The following ZAP70 variants were observed in gnomAD, a reference collection of about 807,000 sequenced individuals.
The protein encoded by ZAP70 is tyrosine-protein kinase ZAP-70.
In ZAP70, 27 loss-of-function variants were observed where a neutral mutation model predicts 65.8. The observed-to-expected ratio is 0.41, with a 90% CI of 0.30 to 0.57. The LOEUF (loss-of-function observed/expected upper bound fraction) is 0.57, where lower values mean the gene tolerates loss of function less well. Among genes scored for constraint, ZAP70 ranks in the 20% least tolerant of loss-of-function variants. The pLI, the probability that ZAP70 is intolerant of heterozygous loss-of-function variation, is 0.28. For missense variants in ZAP70, 696 were observed against 870.5 expected, an observed-to-expected ratio of 0.80 and a Z score of 2.52; for synonymous variants, 363 against 360.8, an observed-to-expected ratio of 1.01 and a Z score of -0.07.
In ZAP70 at chr2:97,724,228, G is replaced by T. The variant is rs770705407; in HGVS notation, c.192G>T (p.Gln64His). 1 of 1,602,894 alleles carries T rather than the reference G, an allele frequency of 6.2e-7. No homozygotes were observed. The highest frequency in any genetic ancestry group is 8.5e-7 in the Non-Finnish European group (1 of 1,176,376). The part of the protein sequence containing the change: ...VRFHHFPIER[Q>H]LNGTYAIAGG... ...TCCACCACTTTCCCATCGAGCGCCAGCTCAACGGCACCTACGCCATTGCCG... is the reference window on the plus strand; with the variant it reads ...TCCACCACTTTCCCATCGAGCGCCATCTCAACGGCACCTACGCCATTGCCG... The change falls in exon 3 of 14, where the codon CAG (glutamine) becomes CAT (histidine). Residue 64 changes from glutamine (Q) to histidine (H), a missense_variant. This residue lies in a region of ZAP70 where 551 missense variants were observed against 630.0 expected (regional missense o/e 0.87). Coordinates refer to ENST00000264972, the MANE Select transcript of ZAP70 (RefSeq NM_001079.4).
the ZAP70 span, among the ~76,000 whole-genome samples, chr2:97,751,723 T>C: frequency 6.6e-6 from 1 of 152,188 alleles, no homozygotes; most frequent in South Asian, 2.1e-4. Context: ...GGCAGCAGCA[T>C]TGGCTTCTGC....
rs1677930831 is a variant in ZAP70 at position 97,737,278 on chromosome 2, T to A, written c.1290-195T>A. On this transcript the variant is annotated intron_variant, in intron 10 of 13. Transcript: ENST00000264972. This position sits in a 1 kb window ranked among gnomAD's most constrained non-coding sequence, Gnocchi z 5.0. ...TGATCCCTAAAGCCTTGAGACTGGA[T>A]GAAGGCAGGAGTTTTGCCTGTTTTG... Among the ~76,000 whole-genome samples, 1 of 152,118 alleles carries A rather than the reference T, an allele frequency of 6.6e-6. No individual in the cohort carries two copies. Among genetic ancestry groups the A allele is most frequent in the Non-Finnish European group, 1.5e-5 (1 of 68,010 alleles).
chr2:97,718,150 G>A (rs950605253), intron 2 of ZAP70, among the ~76,000 whole-genome samples: 7 of 152,170 alleles, frequency 4.6e-5, no homozygotes, highest in Admixed American at 2.6e-4. Context: ...CCTGTCCGTC[G>A]GGATGGCCCA....
At chr2:97,717,989 G>C (rs1559316146) in intron 2 of ZAP70, among the ~76,000 whole-genome samples, 1 of 152,176 alleles carries the variant, frequency 6.6e-6, no homozygotes, top group Non-Finnish European at 1.5e-5. Flanking sequence ...TGTGATCCAG[G>C]GGCTGTAAGT....
intron 4 of ZAP70, among the ~76,000 whole-genome samples, chr2:97,729,296 G>T (rs981432929): frequency 2.0e-5 from 3 of 152,146 alleles, no homozygotes; most frequent in Non-Finnish European, 1.5e-5. Context: ...GTTTATTCAG[G>T]GTTTCACAGA....
chr2:97,732,759 C>T (rs1677661355), intron 4 of ZAP70, 124 bp from the exon 5 acceptor site: 3 of 1,424,396 alleles, frequency 2.1e-6, no homozygotes, highest in South Asian at 1.3e-5. Context: ...CTTCCCCAGT[C>T]CCTGCAGCTT....
chr2:97,718,527 G>C (rs957420223), intron 2 of ZAP70, among the ~76,000 whole-genome samples: 4 of 152,154 alleles, frequency 2.6e-5, no homozygotes, highest in Non-Finnish European at 5.9e-5. Context: ...ACCTGTGTGT[G>C]TGGGGTGGTG....
rs1304827773 is a variant in ZAP70, at chr2:97,722,647, T to A, written c.-21-1369T>A. ...TTATGTCTTGATCAGTTGATGAAAA[T>A]GTAAACAGTTTCCTAGGAACCTAAC... On this transcript the variant is annotated intron_variant, in intron 2 of 13. Coordinates refer to ENST00000264972, the MANE Select transcript of ZAP70 (RefSeq NM_001079.4). Among the ~76,000 whole-genome samples, 3 of 152,330 alleles carry A rather than the reference T, an allele frequency of 2.0e-5. No homozygotes were observed. In the East Asian group the frequency reaches 5.8e-4, roughly 29 times the overall value.
chr2:97,748,883 G>C, the ZAP70 span, among the ~76,000 whole-genome samples: 2 of 152,136 alleles, frequency 1.3e-5, no homozygotes, highest in African/African-American at 4.8e-5. Flanking sequence ...TTTCCCTCCC[G>C]TGGGAGGCCA....
chr2:97,722,346 T>G (rs1677196975), intron 2 of ZAP70, among the ~76,000 whole-genome samples: 1 of 152,250 alleles, frequency 6.6e-6, no homozygotes, highest in African/African-American at 2.4e-5. Flanking sequence ...CCTCCCAAAG[T>G]GCTGGATGAC....
the ZAP70 span, among the ~76,000 whole-genome samples, chr2:97,755,585 C>T: frequency 6.6e-6 from 1 of 152,208 alleles, no homozygotes; most frequent in Non-Finnish European, 1.5e-5. Context: ...TAGCCCAAGG[C>T]ATCCCCCCTT....
the ZAP70 span, among the ~76,000 whole-genome samples, chr2:97,746,575 G>A: frequency 4.5e-3 from 687 of 152,338 alleles, 17 homozygotes; most frequent in East Asian, 0.067. Context: ...ACCCGGACAG[G>A]AGTGGCCTTG....
In ZAP70 at chr2:97,738,082, C is replaced by T; in HGVS notation, c.1711C>T (p.Leu571Phe). ...AGAGTGTCCACCCGAACTGTACGCACTCATGAGTGACTGCTGGATCTACAA... is the reference window on the plus strand; with the variant it reads ...AGAGTGTCCACCCGAACTGTACGCATTCATGAGTGACTGCTGGATCTACAA... The part of the protein sequence containing the change: ...PPECPPELYA[L>F]MSDCWIYKWE... The change falls in exon 13 of 14, where the codon CTC becomes TTC. Residue 571 changes from leucine to phenylalanine, a missense_variant. Coordinates refer to ENST00000264972, the MANE Select transcript of ZAP70 (RefSeq NM_001079.4). 6.2e-7 allele frequency: 1 copy of T among 1,606,836 alleles called. No homozygotes were observed. Among genetic ancestry groups the T allele is most frequent in the Non-Finnish European group, 8.5e-7 (1 of 1,176,338 alleles).
Position 97,739,649 on chromosome 2 carries a change from T to G in ZAP70, c.*151T>G, listed in dbSNP as rs1678064834. 8.1e-7 allele frequency: 1 copy of G among 1,229,744 alleles called. No individual in the cohort carries two copies. Among genetic ancestry groups the G allele is most frequent in the Non-Finnish European group, 1.1e-6 (1 of 892,352 alleles). 76.2% of individuals were successfully genotyped at this position (1,229,744 alleles called of 1,614,324 possible). ...GTCTCAGGCCACACCGGCCTTGCAT[T>G]GCCTGCCTGGCCCCCTGTCCTCTCT... is the stretch of plus-strand genomic sequence containing the variant. On this transcript the variant is annotated 3_prime_UTR_variant, in exon 14 of 14. Coordinates refer to ENST00000264972, the MANE Select transcript of ZAP70 (RefSeq NM_001079.4).
At chr2:97,734,863 TCCCTGAGAGAGCTCGGGACA>T in intron 9 of ZAP70, 151 bp downstream of exon 9, 1 of 1,011,984 alleles carries the variant, frequency 9.9e-7, no homozygotes, top group Non-Finnish European at 1.4e-6. Context: ...GCTGGAGGAT[TCCCTGAGAGAGCTCGGGACA>T]CCTGACGGGG....
At chr2:97,735,582 C>T in intron 10 of ZAP70, 126 bp downstream of exon 10, 1 of 1,135,382 alleles carries the variant, frequency 8.8e-7, no homozygotes, top group South Asian at 1.5e-5. Flanking sequence ...CGTGGACACA[C>T]TCTCAGCCTG....
intron 2 of ZAP70, among the ~76,000 whole-genome samples, chr2:97,723,335 G>C (rs1389042451): frequency 1.3e-5 from 2 of 152,262 alleles, no homozygotes; most frequent in Non-Finnish European, 2.9e-5. Flanking sequence ...GGACAAGGGA[G>C]GCTGAGGGGT....
Position 97,731,774 on chromosome 2 carries a change from C to A in ZAP70, c.564-1109C>A, listed in dbSNP as rs1677619005. Among the ~76,000 whole-genome samples the A allele has an allele frequency of 6.6e-6, 1 of 152,242 alleles. No homozygotes were observed. Among genetic ancestry groups the A allele is most frequent in the African/African-American group, 2.4e-5 (1 of 41,454 alleles). ...AGTGAATGAACATCCACAGGCAGGG[C>A]CAGGCCTGGTCTGAGAATTTGCACC... On this transcript the variant is annotated intron_variant, in intron 4 of 13. Transcript: ENST00000264972. This position sits in a 1 kb window ranked among gnomAD's most constrained non-coding sequence, Gnocchi z 4.0.
At position 97,724,382 on chromosome 2, in the gene ZAP70, G is replaced by A; in HGVS notation, c.346G>A (p.Asp116Asn). The A allele has an allele frequency of 6.5e-7, 1 of 1,538,552 alleles. No homozygotes were observed. The highest frequency in any genetic ancestry group is 1.2e-5 in the South Asian group (1 of 81,056). Residue 116 changes from aspartate to asparagine, a missense_variant, in exon 3 of 14, where the codon GAC becomes AAC. Physicochemically the swap from Asp to Asn is conservative, Grantham distance 23 (BLOSUM62 1). Coordinates refer to ENST00000264972, the MANE Select transcript of ZAP70 (RefSeq NM_001079.4). ...SGLEPQPGVFDCLRDAMVRDY... is the reference protein window; with the variant it reads ...SGLEPQPGVFNCLRDAMVRDY... ...CCTCGAGCCGCAGCCGGGGGTCTTCGACTGCCTGCGAGACGCCATGGTGCG... is the reference window on the plus strand; with the variant it reads ...CCTCGAGCCGCAGCCGGGGGTCTTCAACTGCCTGCGAGACGCCATGGTGCG...
Sources: allele counts gnomAD v4.1 joint callset (sites outside exome capture counted in the v4.1 genomes callset), GRCh38; gene constraint gnomAD v4.1.1; regional missense constraint gnomAD v4.1.1; non-coding constraint Gnocchi (gnomAD v3.1); transcripts MANE v1.5; gene names NCBI Gene and HGNC (gene_info 2026-07-23, HGNC 2026-07-21).